The following ODF2 variants were observed in gnomAD, a reference collection of about 807,000 sequenced individuals.
ODF2 encodes the protein outer dense fiber protein 2.
Under a neutral mutation model 110.2 loss-of-function variants are expected in ODF2, and 47 were observed. The observed-to-expected ratio is 0.43, with a 90% CI of 0.34 to 0.54. ODF2 has a LOEUF of 0.54. Ranked by LOEUF, ODF2 falls within the 20% of genes least tolerant of loss-of-function variation. ODF2 has a pLI of 0.03. For synonymous variants in ODF2, 352 were observed against 397.7 expected (o/e 0.89, Z 1.37); for missense variants, 812 against 1,054.5 (o/e 0.77, Z 3.19).
chr9:128,499,463 G>A (rs1182690802), intron 20 of ODF2, among the ~76,000 whole-genome samples: 2 of 151,892 alleles, frequency 1.3e-5, no homozygotes, highest in East Asian at 3.9e-4. Context: ...CTACTTTTTT[G>A]TGTGTATTTT....
chr9:128,487,275 T>G (rs916673778), intron 13 of ODF2, among the ~76,000 whole-genome samples: 1 of 152,134 alleles, frequency 6.6e-6, no homozygotes, highest in African/African-American at 2.4e-5. Context: ...TCATTGCTTA[T>G]TGTTGAATTG....
chr9:128,492,552 G>A lies in ODF2; in HGVS notation c.1647+16G>A, dbSNP rs1197789010. On this transcript the variant is annotated intron_variant, in intron 15 of 20. Transcript: ENST00000604420. Reference sequence around the variant, plus strand: ...TAAGAGTCAGGTAGGCCTCACTGGGGCCCTGGCCCTTCTGAGCAGTGCCCT... The same window carrying A: ...TAAGAGTCAGGTAGGCCTCACTGGGACCCTGGCCCTTCTGAGCAGTGCCCT... The A allele has an allele frequency of 1.9e-6, 3 of 1,589,876 alleles. No homozygotes were observed. The highest frequency in any genetic ancestry group is 2.6e-6 in the Non-Finnish European group (3 of 1,159,962).
intron 14 of ODF2, among the ~76,000 whole-genome samples, chr9:128,492,090 C>T (rs1025701460): frequency 3.3e-5 from 5 of 152,046 alleles, no homozygotes; most frequent in Non-Finnish European, 7.4e-5. Flanking sequence ...TGGTCTTGAT[C>T]TCCTAACCTT....
At chr9:128,470,692 C>T (rs189808436) in intron 5 of ODF2, among the ~76,000 whole-genome samples, 9 of 152,062 alleles carry the variant, frequency 5.9e-5, no homozygotes, top group African/African-American at 1.7e-4. Flanking sequence ...TGACATCTCT[C>T]CTCCTATGGT....
intron 2 of ODF2, chr9:128,457,458 G>C: frequency 6.2e-7 from 1 of 1,601,006 alleles, no homozygotes; most frequent in African/African-American, 1.3e-5. Context: ...TGTGGGAGGC[G>C]CCTGCGCCGG....
rs1022501548 is a variant in ODF2, at chr9:128,498,920, A to G, written c.2176-81A>G. ...GTGCAAGTGCTGTCTGCAAGACCAG[A>G]TAGTGGGCCCAGCCTTCTCTTTGCC... On this transcript the variant is annotated intron_variant, in intron 19 of 20. Coordinates refer to ENST00000604420, the Ensembl canonical transcript of ODF2. 1.9e-6 allele frequency: 3 copies of G among 1,574,514 alleles called. No individual in the cohort carries two copies. In the African/African-American group the frequency reaches 4.1e-5, roughly 21 times the overall value.
In ODF2 at chr9:128,473,407, C is replaced by A. The variant is rs1840510580; in HGVS notation, c.712-203C>A. 3 of 643,448 alleles carry A rather than the reference C, an allele frequency of 4.7e-6. No homozygotes were observed. In the South Asian group the frequency reaches 2.1e-4, roughly 44 times the overall value. The allele number at this position is 643,448 out of a possible 1,614,324, so 39.9% of individuals were successfully genotyped here. On this transcript the variant is annotated intron_variant, in intron 7 of 20. Transcript: ENST00000604420. ...CACTGAGCCTTCCCACCCCTTTCTC[C>A]ACCTTTGCTCGGAGCAGACTTAGCT...
chr9:128,456,844 G>T, intron 1 of ODF2: 2 of 1,295,850 alleles, frequency 1.5e-6, no homozygotes, highest in South Asian at 1.9e-5. Context: ...CGGGGCGCCC[G>T]GGGCCCGTGC....
In ODF2 at chr9:128,460,540, C is replaced by A. The variant is rs753096885; in HGVS notation, c.124-402C>A. On this transcript the variant is annotated intron_variant, in intron 3 of 20. Transcript: ENST00000604420. Reference sequence around the variant, plus strand: ...CAACCATTTTTGTGTTGTCCTCCCCCACCTGCCAGAAGCCAACCATGAAGG... The same window carrying A: ...CAACCATTTTTGTGTTGTCCTCCCCAACCTGCCAGAAGCCAACCATGAAGG... 9.9e-6 allele frequency: 16 copies of A among 1,613,366 alleles called. No individual in the cohort carries two copies. The highest frequency in any genetic ancestry group is 5.5e-5 in the South Asian group (5 of 91,026).
chr9:128,490,287 ATTTT>A (rs879656530), intron 14 of ODF2, among the ~76,000 whole-genome samples: 1 of 146,414 alleles, frequency 6.8e-6, no homozygotes, highest in Non-Finnish European at 1.5e-5. Flanking sequence ...TCCTAGTCTA[ATTTT>A]TTTTTTTTTG....
chr9:128,484,631 C>G (rs531132486), intron 11 of ODF2, 70 bp from the exon 12 acceptor site: 1 of 1,493,644 alleles, frequency 6.7e-7, no homozygotes, highest in African/African-American at 1.4e-5. Context: ...CTCCTTCACC[C>G]TCTGCTTTGC....
intron 6 of ODF2, among the ~76,000 whole-genome samples, chr9:128,472,573 G>C (rs958276607): frequency 6.6e-6 from 1 of 152,126 alleles, no homozygotes; most frequent in Non-Finnish European, 1.5e-5. Context: ...GTGTAGAGAA[G>C]AGGTAGAAGG....
Position 128,485,903 on chromosome 9 carries a change from A to T in ODF2, c.1400+429A>T, listed in dbSNP as rs1253239602. On this transcript the variant is annotated intron_variant, in intron 13 of 20. Transcript: ENST00000604420. The surrounding 1 kb of genome is among the most constrained non-coding windows in gnomAD (Gnocchi z 5.0). Reference sequence around the variant, plus strand: ...AGCTGTTTGCCAGTGCCTGCCAGTCAGTAGGTCAGTGGTATGGCATGGGAG... The same window carrying T: ...AGCTGTTTGCCAGTGCCTGCCAGTCTGTAGGTCAGTGGTATGGCATGGGAG... 6.6e-6 allele frequency among the ~76,000 whole-genome samples: 1 copy of T among 152,148 alleles called. No individual in the cohort carries two copies. Among genetic ancestry groups the T allele is most frequent in the Non-Finnish European group, 1.5e-5 (1 of 68,014 alleles).
intron 10 of ODF2, among the ~76,000 whole-genome samples, chr9:128,483,269 G>A (rs987078176): frequency 5.3e-5 from 8 of 152,086 alleles, no homozygotes; most frequent in South Asian, 2.1e-4. Flanking sequence ...TCTTTGGGCC[G>A]GGTGCAGTAG....
At chr9:128,466,599 A>ATGT (rs1204737279) in intron 4 of ODF2, among the ~76,000 whole-genome samples, 1 of 151,314 alleles carries the variant, frequency 6.6e-6, no homozygotes, top group Non-Finnish European at 1.5e-5. Flanking sequence ...GCTTTTGTCT[A>ATGT]TGTCACTCCC....
intron 13 of ODF2, 126 bp from the exon 14 acceptor site, chr9:128,487,764 G>A (rs1376193258): frequency 8.8e-7 from 1 of 1,141,252 alleles, no homozygotes; most frequent in African/African-American, 1.5e-5. Context: ...TCCAGCCTAG[G>A]TGACAGAGCG....
intron 2 of ODF2, among the ~76,000 whole-genome samples, chr9:128,458,415 T>C (rs984611515): frequency 2.0e-5 from 3 of 149,104 alleles, no homozygotes; most frequent in East Asian, 3.9e-4. Flanking sequence ...TAAGCCAAGA[T>C]TGGGCCACTG....
chr9:128,481,716 A>T, intron 9 of ODF2, 65 bp downstream of exon 9: 3 of 1,288,608 alleles, frequency 2.3e-6, no homozygotes, highest in Non-Finnish European at 3.3e-6. Flanking sequence ...TCCACTACAA[A>T]GTGTAGAGGT....
rs1270889321 is a variant in ODF2 at position 128,456,189 on chromosome 9, C to G, written c.-275C>G. On this transcript the variant is annotated 5_prime_UTR_variant, in exon 1 of 21. Coordinates refer to ENST00000604420, the Ensembl canonical transcript of ODF2. ...CATCCGCCGCGGCGTCTCCATGGCACGACCCTGGCCTCCGACTTCAACGAC... is the reference window on the plus strand; with the variant it reads ...CATCCGCCGCGGCGTCTCCATGGCAGGACCCTGGCCTCCGACTTCAACGAC... 5 of 1,548,430 alleles carry G rather than the reference C, an allele frequency of 3.2e-6. No homozygotes were observed. The Admixed American group carries it at 5.9e-5, about 18-fold the overall frequency.
Sources: allele counts gnomAD v4.1 joint callset (sites outside exome capture counted in the v4.1 genomes callset), GRCh38; gene constraint gnomAD v4.1.1; non-coding constraint Gnocchi (gnomAD v3.1); transcripts MANE v1.5; gene names NCBI Gene and HGNC (gene_info 2026-07-23, HGNC 2026-07-21).